SIK2: variants seen among roughly 807,000 people sequenced by gnomAD.
SIK2 encodes salt inducible kinase 2.
SIK2 carries 29 observed loss-of-function variants against 103.2 expected under a neutral mutation model. The ratio of observed to expected loss-of-function variants is 0.28; its 90% CI spans 0.21 to 0.38. The LOEUF is 0.38. SIK2 is among the 10% of genes least tolerant of loss of function. SIK2 has a pLI of 1.00. For missense variants in SIK2, 879 were observed against 1,171.0 expected (o/e 0.75, Z 3.64); for synonymous variants, 412 against 446.1 (o/e 0.92, Z 0.96).
At chr11:111,618,246 T>G (rs1320298246) in intron 2 of SIK2, among the ~76,000 whole-genome samples, 4 of 152,102 alleles carry the variant, frequency 2.6e-5, no homozygotes, top group Non-Finnish European at 4.4e-5. Context: ...GCTCAGGTGG[T>G]AATGGGAGCA....
intron 3 of SIK2, among the ~76,000 whole-genome samples, chr11:111,637,831 CTT>C (rs1001168058): frequency 1.3e-5 from 2 of 152,204 alleles, no homozygotes; most frequent in Admixed American, 6.5e-5. Context: ...TTTGTATACT[CTT>C]TATCTTTCAT....
At chr11:111,634,168 A>G (rs1942075551) in intron 3 of SIK2, among the ~76,000 whole-genome samples, 1 of 152,016 alleles carries the variant, frequency 6.6e-6, no homozygotes, top group South Asian at 2.1e-4. Context: ...TAGGCTGAGC[A>G]TATGCCTGGG....
At chr11:111,627,831 T>C (rs926390179) in intron 3 of SIK2, among the ~76,000 whole-genome samples, 2 of 152,190 alleles carry the variant, frequency 1.3e-5, no homozygotes, top group African/African-American at 4.8e-5. Flanking sequence ...CAGCAGATCA[T>C]ACTCTGTTCT....
At chr11:111,626,209 G>T (rs1941958300) in intron 3 of SIK2, among the ~76,000 whole-genome samples, 1 of 152,090 alleles carries the variant, frequency 6.6e-6, no homozygotes, top group African/African-American at 2.4e-5. Flanking sequence ...TGAAGATAAT[G>T]AGTAATAGAA....
chr11:111,664,505 A>G (rs981304841), intron 3 of SIK2, among the ~76,000 whole-genome samples: 2 of 152,284 alleles, frequency 1.3e-5, no homozygotes, highest in Admixed American at 1.3e-4. Flanking sequence ...AGTCCCAGCT[A>G]CTAGGGAGGC....
chr11:111,634,446 T>C (rs930863792), intron 3 of SIK2, among the ~76,000 whole-genome samples: 5 of 152,048 alleles, frequency 3.3e-5, no homozygotes, highest in African/African-American at 9.7e-5. Context: ...AACCTAAGTT[T>C]TAATTCTTTT....
At chr11:111,709,652 T>C (rs1481713388) in intron 8 of SIK2, among the ~76,000 whole-genome samples, 1 of 152,216 alleles carries the variant, frequency 6.6e-6, no homozygotes, top group Non-Finnish European at 1.5e-5. Context: ...GCTAATCAAC[T>C]GTGTAATGCT....
rs971269566 is a variant in SIK2 at position 111,656,812 on chromosome 11, T to G, written c.317-31189T>G. On this transcript the variant is annotated intron_variant, in intron 3 of 14. Transcript: ENST00000304987. ...TCATTTAATTTTCTGACTTAATCTTTTCTCAGACCCATTTTATGTTCTTAT... is the reference window on the plus strand; with the variant it reads ...TCATTTAATTTTCTGACTTAATCTTGTCTCAGACCCATTTTATGTTCTTAT... Among the ~76,000 whole-genome samples, 8 of 152,340 alleles carry G rather than the reference T, an allele frequency of 5.3e-5. No homozygotes were observed. In the East Asian group the frequency reaches 1.5e-3, roughly 29 times the overall value.
intron 3 of SIK2, among the ~76,000 whole-genome samples, chr11:111,666,460 A>G (rs1942543635): frequency 6.6e-6 from 1 of 152,238 alleles, no homozygotes; most frequent in African/African-American, 2.4e-5. Flanking sequence ...TATGTTATAC[A>G]GATAGTTTGT....
chr11:111,608,981 ATTC>A (rs1176111674), intron 1 of SIK2, among the ~76,000 whole-genome samples: 1 of 136,972 alleles, frequency 7.3e-6, no homozygotes, highest in East Asian at 2.5e-4. Context: ...AGAAAATAAT[ATTC>A]TTCATTACTT....
At chr11:111,645,861 G>T (rs1223185971) in intron 3 of SIK2, among the ~76,000 whole-genome samples, 1 of 152,040 alleles carries the variant, frequency 6.6e-6, no homozygotes, top group Non-Finnish European at 1.5e-5. Context: ...GACTCCCTGT[G>T]GGGGCGAGAG....
chr11:111,719,137 A>G (rs1943728801), intron 9 of SIK2, among the ~76,000 whole-genome samples: 1 of 152,134 alleles, frequency 6.6e-6, no homozygotes, highest in Admixed American at 6.5e-5. Flanking sequence ...GTTATTCTAC[A>G]ATGGGAGGCT....
intron 3 of SIK2, chr11:111,671,622 G>A: frequency 2.9e-6 from 1 of 348,702 alleles, no homozygotes; most frequent in South Asian, 2.8e-5. Context: ...TGCTGTCCAT[G>A]TCCAGGGAGC....
At chr11:111,606,780 A>G (rs913191821) in intron 1 of SIK2, among the ~76,000 whole-genome samples, 7 of 152,000 alleles carry the variant, frequency 4.6e-5, no homozygotes, top group African/African-American at 1.7e-4. Context: ...GTGTATTTTT[A>G]TTACCAAATC....
At chr11:111,619,250 A>T (rs1416862682) in intron 2 of SIK2, among the ~76,000 whole-genome samples, 2 of 152,320 alleles carry the variant, frequency 1.3e-5, no homozygotes, top group African/African-American at 4.8e-5. Context: ...CGTGGAGAAT[A>T]GTCTTAAACC....
rs552886627 is a variant in SIK2 at position 111,722,896 on chromosome 11, C to T, written c.2147+140C>T. The T allele has an allele frequency of 3.6e-5, 25 of 702,388 alleles. 1 individual carries two copies. The Middle Eastern group carries it at 7.5e-4, about 21-fold the overall frequency. 43.5% of individuals were successfully genotyped at this position (702,388 alleles called of 1,614,324 possible). A position where few individuals can be genotyped will look rare whatever the true frequency, so the allele number is the denominator to read the frequency against. ...GCGTGTGTCACAGGCCCTCTGAGCACGATTACTAAGAGGATATCTCAGTAT... is the reference window on the plus strand; with the variant it reads ...GCGTGTGTCACAGGCCCTCTGAGCATGATTACTAAGAGGATATCTCAGTAT... On this transcript the variant is annotated intron_variant, in intron 14 of 14. Transcript: ENST00000304987. The surrounding 1 kb of genome is among the most constrained non-coding windows in gnomAD (Gnocchi z 4.4).
intron 7 of SIK2, 35 bp from the exon 8 acceptor site, chr11:111,704,952 A>T: frequency 6.4e-7 from 1 of 1,563,716 alleles, no homozygotes; most frequent in Non-Finnish European, 8.6e-7. Flanking sequence ...TGGTCTTTAC[A>T]GTTCTTTGCC....
At chr11:111,609,249 A>C (rs1025348138) in intron 1 of SIK2, among the ~76,000 whole-genome samples, 1 of 152,026 alleles carries the variant, frequency 6.6e-6, no homozygotes, top group East Asian at 1.9e-4. Flanking sequence ...AATTTTTGTG[A>C]GTATATAACT....
intron 3 of SIK2, among the ~76,000 whole-genome samples, chr11:111,626,899 T>A (rs1941968719): frequency 6.6e-6 from 1 of 152,154 alleles, no homozygotes; most frequent in Non-Finnish European, 1.5e-5. Flanking sequence ...GCTGTTTTAA[T>A]GTTACACAGC....
Sources: gnomAD v4.1 joint callset for allele counts (sites outside exome capture counted in the v4.1 genomes callset) on GRCh38, gnomAD v4.1.1 for gene constraint, Gnocchi (gnomAD v3.1) non-coding constraint, MANE v1.5 for transcripts, NCBI Gene and HGNC (gene_info 2026-07-23, HGNC 2026-07-21) for gene names.